Variants in PRKG1 observed in about 807,000 individuals in gnomAD.
The protein encoded by PRKG1 is cGMP-dependent protein kinase 1.
PRKG1 carries 35 observed loss-of-function variants against 88.1 expected under a neutral mutation model. That is an observed-to-expected ratio of 0.40 (90% CI 0.30 to 0.53). The LOEUF (loss-of-function observed/expected upper bound fraction) is 0.53. PRKG1 is among the 20% of genes least tolerant of loss of function. The pLI is 0.59. For missense variants in PRKG1, 540 were observed against 839.8 expected (o/e 0.64, Z 4.41); for synonymous variants, 303 against 292.5 (o/e 1.04, Z -0.37).
intron 9 of PRKG1, among the ~76,000 whole-genome samples, chr10:52,186,110 G>T (rs1021971805): frequency 6.6e-6 from 1 of 152,128 alleles, no homozygotes; most frequent in Non-Finnish European, 1.5e-5. Flanking sequence ...AGAAATAACT[G>T]AAGCTGGATA....
In PRKG1 at chr10:52,077,604, A is replaced by T. The variant is rs115007606; in HGVS notation, c.935+14973A>T. 2.4e-3 allele frequency among the ~76,000 whole-genome samples: 359 copies of T among 152,330 alleles called. 2 individuals are homozygous for T. The highest frequency in any genetic ancestry group is 6.9e-3 in the African/African-American group (288 of 41,574). ...TAAATGTGCAGCTTATTTAATGTCA[A>T]TTATACCTCAGTAAATCTAATATGA... On this transcript the variant is annotated intron_variant, in intron 7 of 17. Coordinates refer to ENST00000373980, the MANE Select transcript of PRKG1 (RefSeq NM_006258.4).
At chr10:51,454,234 G>GA (rs1395241776) in intron 2 of PRKG1, among the ~76,000 whole-genome samples, 3 of 151,782 alleles carry the variant, frequency 2.0e-5, no homozygotes, top group Non-Finnish European at 4.4e-5. Context: ...CATAAAGCTA[G>GA]AAAAAAACAA....
chr10:51,541,898 A>G (rs1449432505), intron 3 of PRKG1, among the ~76,000 whole-genome samples: 1 of 152,132 alleles, frequency 6.6e-6, no homozygotes, highest in Admixed American at 6.6e-5. Flanking sequence ...GTAAGATAGA[A>G]CTTATTAATT....
chr10:50,996,137 T>G (rs1233177930), intron 1 of PRKG1, among the ~76,000 whole-genome samples: 1 of 152,166 alleles, frequency 6.6e-6, no homozygotes, highest in Non-Finnish European at 1.5e-5. Context: ...ATAATAGAGA[T>G]AGCTAATCTT....
In PRKG1 at chr10:51,298,491, G is replaced by A. The variant is rs374155435; in HGVS notation, c.478+145161G>A. 9.2e-5 allele frequency among the ~76,000 whole-genome samples: 14 copies of A among 152,222 alleles called. No homozygotes were observed. In the East Asian group the frequency reaches 2.7e-3, roughly 29 times the overall value. ...TGTTGCTGAGCCATTAAATGAAACA[G>A]CTTTATGTAGAAAGCACTCAGCATA... On this transcript the variant is annotated intron_variant, in intron 2 of 17. Transcript: ENST00000373980.
At chr10:51,627,986 TTCTTTCTCTC>T (rs1253694379) in intron 3 of PRKG1, among the ~76,000 whole-genome samples, 16 of 36,044 alleles carry the variant, frequency 4.4e-4, no homozygotes, top group Non-Finnish European at 7.0e-4. Context: ...CTTTCTTTCT[TTCTTTCTCTC>T]TCTCTCTCTC....
At chr10:52,288,017 G>A (rs929104889) in intron 14 of PRKG1, among the ~76,000 whole-genome samples, 9 of 152,094 alleles carry the variant, frequency 5.9e-5, no homozygotes, top group African/African-American at 1.9e-4. Context: ...TGGCATAAGG[G>A]TGCTATAAAA....
chr10:51,413,080 T>G (rs951078836), intron 2 of PRKG1, among the ~76,000 whole-genome samples: 11 of 152,232 alleles, frequency 7.2e-5, no homozygotes, highest in African/African-American at 2.7e-4. Context: ...ATCTAGACAT[T>G]TAGCTGAATG....
intron 10 of PRKG1, among the ~76,000 whole-genome samples, chr10:52,258,217 T>G (rs1841352630): frequency 7.2e-6 from 1 of 138,918 alleles, no homozygotes; most frequent in African/African-American, 2.5e-5. Context: ...GCATATGATT[T>G]TAGAATAATC....
intron 2 of PRKG1, among the ~76,000 whole-genome samples, chr10:51,182,380 C>T (rs374986585): frequency 1.3e-5 from 2 of 152,120 alleles, no homozygotes; most frequent in Non-Finnish European, 2.9e-5. Context: ...TCAACAGTTC[C>T]AAAGGCCAAC....
At chr10:52,274,695 A>C (rs1318332371) in intron 12 of PRKG1, among the ~76,000 whole-genome samples, 1 of 151,698 alleles carries the variant, frequency 6.6e-6, no homozygotes, top group Non-Finnish European at 1.5e-5. Flanking sequence ...TTTTTGAATA[A>C]TGACTTCTTT....
intron 2 of PRKG1, among the ~76,000 whole-genome samples, chr10:51,386,797 T>TAAATCATTTA (rs71459416): frequency 0.092 from 14,076 of 152,198 alleles, 866 homozygotes; most frequent in Middle Eastern, 0.15. Context: ...ATTCTTATAA[T>TAAATCATTTA]AAATCATTTA....
intron 1 of PRKG1, among the ~76,000 whole-genome samples, chr10:51,037,756 C>T (rs1843369387): frequency 6.6e-6 from 1 of 151,466 alleles, no homozygotes; most frequent in South Asian, 2.1e-4. Flanking sequence ...GCATTCCAGC[C>T]TGGGTGACAT....
chr10:51,434,921 G>T (rs376791728), intron 2 of PRKG1, among the ~76,000 whole-genome samples: 1 of 152,048 alleles, frequency 6.6e-6, no homozygotes, highest in East Asian at 1.9e-4. Flanking sequence ...TAATAAAAAT[G>T]AAGTTATATA....
intron 2 of PRKG1, among the ~76,000 whole-genome samples, chr10:51,455,398 A>C (rs1839557382): frequency 6.6e-6 from 1 of 152,258 alleles, no homozygotes; most frequent in Admixed American, 6.5e-5. Flanking sequence ...TACTTATTCA[A>C]ATTTCTGCGG....
intron 2 of PRKG1, among the ~76,000 whole-genome samples, chr10:51,400,140 C>T (rs367722356): frequency 4.6e-5 from 7 of 152,156 alleles, no homozygotes; most frequent in African/African-American, 1.7e-4. Flanking sequence ...CTACTATATA[C>T]CAGACACTCT....
chr10:51,347,850 A>G (rs1027480287), intron 2 of PRKG1, among the ~76,000 whole-genome samples: 2 of 152,132 alleles, frequency 1.3e-5, no homozygotes, highest in Non-Finnish European at 2.9e-5. Flanking sequence ...ACACGAGGTC[A>G]GGAGATCGAG....
chr10:52,064,771 C>T lies in PRKG1; in HGVS notation c.935+2140C>T, dbSNP rs959339284. On this transcript the variant is annotated intron_variant, in intron 7 of 17. Transcript: ENST00000373980. ...AAGGGGTGGGGGTCCCTCCTGTCCC[C>T]GGCTCCTGCTGGCTCCATGGGTGTG... Among the ~76,000 whole-genome samples, 11 of 152,140 alleles carry T rather than the reference C, an allele frequency of 7.2e-5. No homozygotes were observed. In the South Asian group the frequency reaches 8.3e-4, roughly 11 times the overall value.
intron 5 of PRKG1, among the ~76,000 whole-genome samples, chr10:51,938,131 A>T (rs1842833714): frequency 1.3e-5 from 2 of 152,070 alleles, no homozygotes; most frequent in Admixed American, 1.3e-4. Flanking sequence ...TGCCTATGTC[A>T]TTCACCTCTC....
Sources: gnomAD v4.1 joint callset for allele counts (sites outside exome capture counted in the v4.1 genomes callset) on GRCh38, gnomAD v4.1.1 for gene constraint, MANE v1.5 for transcripts, NCBI Gene and HGNC (gene_info 2026-07-23, HGNC 2026-07-21) for gene names.